The following TXN variants were observed in gnomAD, a reference collection of about 807,000 sequenced individuals.
The protein encoded by TXN is ADF.
TXN carries 10 observed loss-of-function variants against 16.5 expected under a neutral mutation model. That is an observed-to-expected ratio of 0.61 (90% CI 0.37 to 1.03). The LOEUF (loss-of-function observed/expected upper bound fraction) is 1.03. Among genes scored for constraint, TXN ranks in the 50% least tolerant of loss-of-function variants. The probability of loss-of-function intolerance (pLI) is 0.01; values close to 1 mark genes in which losing one functional copy is unlikely to be tolerated. For synonymous variants in TXN, 35 were observed against 39.4 expected, an observed-to-expected ratio of 0.89 and a Z score of 0.42; for missense variants, 71 against 122.5, an observed-to-expected ratio of 0.58 and a Z score of 1.98.
chr9:110,248,881 G>A (rs1482263273), intron 3 of TXN, among the ~76,000 whole-genome samples: 1 of 152,008 alleles, frequency 6.6e-6, no homozygotes, highest in Non-Finnish European at 1.5e-5. Context: ...GGGAGGCCGA[G>A]GTGGGTGGAT....
intron 1 of TXN, among the ~76,000 whole-genome samples, chr9:110,255,860 C>A (rs1174655004): frequency 6.6e-6 from 1 of 152,224 alleles, no homozygotes; most frequent in Non-Finnish European, 1.5e-5. Context: ...AAAGGGAGAT[C>A]ACTACCCCCG....
At chr9:110,255,142 T>C (rs1837788766) in intron 1 of TXN, among the ~76,000 whole-genome samples, 2 of 152,014 alleles carry the variant, frequency 1.3e-5, no homozygotes, top group Non-Finnish European at 2.9e-5. Flanking sequence ...GCAGACACAC[T>C]TCTGTTTCCG....
At chr9:110,245,616 CACTA>C (rs1216314662) in intron 3 of TXN, among the ~76,000 whole-genome samples, 1 of 73,640 alleles carries the variant, frequency 1.4e-5, no homozygotes, top group Non-Finnish European at 2.4e-5. Flanking sequence ...CACACACACA[CACTA>C]TATATATATA....
rs1012576036 is a variant in TXN, at chr9:110,256,334, C to T, written c.24+78G>A. ...CCGCACCTCCCGCCACCGCCTTCCCCACCTCCCGCCACCGCCTTCCCCAGT... is the reference window on the plus strand; with the variant it reads ...CCGCACCTCCCGCCACCGCCTTCCCTACCTCCCGCCACCGCCTTCCCCAGT... On this transcript the variant is annotated intron_variant, in intron 1 of 4. Transcript: ENST00000374517. The surrounding 1 kb of genome is among the most constrained non-coding windows in gnomAD (Gnocchi z 4.2). 7.4e-6 allele frequency: 11 copies of T among 1,486,876 alleles called. No homozygotes were observed. Among genetic ancestry groups the T allele is most frequent in the South Asian group, 2.4e-5 (2 of 83,954 alleles). 92.1% of individuals were successfully genotyped at this position (1,486,876 alleles called of 1,614,324 possible).
In TXN at chr9:110,244,853, A is replaced by G; in HGVS notation, c.190-10T>C. ...ACTCTGAAGCAACATCCTGGTAGGG[A>G]AAGTAGCAAAGGGAGAGGATTAAAT... On this transcript the variant is annotated splice_polypyrimidine_tract_variant and intron_variant, in intron 3 of 4. Transcript: ENST00000374517. 1 of 1,610,656 alleles carries G rather than the reference A, an allele frequency of 6.2e-7. No individual in the cohort carries two copies. Among genetic ancestry groups the G allele is most frequent in the Non-Finnish European group, 8.5e-7 (1 of 1,177,154 alleles).
intron 3 of TXN, 98 bp from the exon 4 acceptor site, chr9:110,244,941 T>C: frequency 1.2e-6 from 1 of 863,576 alleles, no homozygotes; most frequent in Non-Finnish European, 1.9e-6. Flanking sequence ...TTCCCTGTCA[T>C]GTACCCCACA....
In TXN at chr9:110,251,378, T is replaced by C; in HGVS notation, c.109A>G (p.Met37Val). The change falls in exon 2 of 5, where the codon ATG becomes GTG. Residue 37 changes from methionine to valine, a missense_variant. By Grantham distance (21) the Met-to-Val change is conservative. Coordinates refer to ENST00000374517, the MANE Select transcript of TXN (RefSeq NM_003329.4). ...FSATWCGPCK[M>V]IKPFFHSLSE... Reference sequence around the variant, plus strand: ...CTCACATGAAAGAAAGGCTTGATCATTTTGCAAGGCCCACACCACGTGGCT... The same window carrying C: ...CTCACATGAAAGAAAGGCTTGATCACTTTGCAAGGCCCACACCACGTGGCT... 2 of 1,611,468 alleles carry C rather than the reference T, an allele frequency of 1.2e-6. No individual in the cohort carries two copies. Among genetic ancestry groups the C allele is most frequent in the African/African-American group, 1.3e-5 (1 of 74,928 alleles).
At chr9:110,251,209 G>T in intron 2 of TXN, 149 bp downstream of exon 2, 1 of 669,852 alleles carries the variant, frequency 1.5e-6, no homozygotes, top group Non-Finnish European at 2.7e-6. Flanking sequence ...TAAATTATTT[G>T]TTATACTACT....
chr9:110,246,048 G>A (rs952881236), intron 3 of TXN, among the ~76,000 whole-genome samples: 6 of 152,008 alleles, frequency 3.9e-5, no homozygotes, highest in Admixed American at 1.3e-4. Flanking sequence ...CTGGGCGACA[G>A]AATGAGACTA....
intron 1 of TXN, among the ~76,000 whole-genome samples, 194 bp from the exon 2 acceptor site, chr9:110,251,656 T>C (rs1837739743): frequency 7.3e-6 from 1 of 137,568 alleles, no homozygotes; most frequent in Non-Finnish European, 1.6e-5. Context: ...AGAAATTCTA[T>C]ACATTGTTGG....
intron 3 of TXN, among the ~76,000 whole-genome samples, chr9:110,247,455 C>A (rs546782546): frequency 6.6e-6 from 1 of 152,146 alleles, no homozygotes; most frequent in Non-Finnish European, 1.5e-5. Flanking sequence ...ACATTTAGAT[C>A]GACAACAGAT....
At chr9:110,251,207 T>C (rs1837729033) in intron 2 of TXN, 151 bp downstream of exon 2, 1 of 665,498 alleles carries the variant, frequency 1.5e-6, no homozygotes, top group Non-Finnish European at 2.7e-6. Flanking sequence ...CCTAAATTAT[T>C]TGTTATACTA....
At chr9:110,246,555 C>A (rs1472864653) in intron 3 of TXN, among the ~76,000 whole-genome samples, 2 of 152,046 alleles carry the variant, frequency 1.3e-5, no homozygotes, top group African/African-American at 4.8e-5. Context: ...ACCTAAGCAG[C>A]AAAAGCTACA....
At chr9:110,244,333 A>G (rs1837621182) in intron 4 of TXN, 114 bp from the exon 5 acceptor site, 2 of 278,950 alleles carry the variant, frequency 7.2e-6, no homozygotes, top group Non-Finnish European at 1.3e-5. Flanking sequence ...ATATATATAC[A>G]TATGTATAAA....
chr9:110,250,903 C>A (rs371469570), intron 2 of TXN, 24 bp from the exon 3 acceptor site: 13 of 1,585,188 alleles, frequency 8.2e-6, no homozygotes, highest in African/African-American at 1.4e-5. Flanking sequence ...AATGAAAAAT[C>A]CAAAAAGATT....
chr9:110,248,704 G>A (rs1198741627), intron 3 of TXN, among the ~76,000 whole-genome samples: 2 of 152,134 alleles, frequency 1.3e-5, no homozygotes, highest in Non-Finnish European at 2.9e-5. Context: ...CTTCTGTGCT[G>A]CAGTGCCATT....
Position 110,256,278 on chromosome 9 carries a change from C to T in TXN, c.24+134G>A, listed in dbSNP as rs1056797066. 12 of 1,008,508 alleles carry T rather than the reference C, an allele frequency of 1.2e-5. No individual in the cohort carries two copies. The African/African-American group carries it at 2.0e-4, about 16-fold the overall frequency. The allele number at this position is 1,008,508 out of a possible 1,614,324, so 62.5% of individuals were successfully genotyped here. On this transcript the variant is annotated intron_variant, in intron 1 of 4. Transcript: ENST00000374517. The surrounding 1 kb of genome is among the most constrained non-coding windows in gnomAD (Gnocchi z 4.2). ...CAGTCCCAGGCCGAGACGCCGCGTCCCTTTCCCCTGGCGATGCGGAGGGGC... is the reference window on the plus strand; with the variant it reads ...CAGTCCCAGGCCGAGACGCCGCGTCTCTTTCCCCTGGCGATGCGGAGGGGC...
intron 1 of TXN, among the ~76,000 whole-genome samples, chr9:110,252,602 T>C (rs1458322253): frequency 6.6e-6 from 1 of 152,240 alleles, no homozygotes; most frequent in Non-Finnish European, 1.5e-5. Flanking sequence ...ATCTAGATAC[T>C]GTAACCCTGG....
intron 3 of TXN, among the ~76,000 whole-genome samples, chr9:110,250,497 G>A (rs1343706789): frequency 2.0e-5 from 3 of 152,216 alleles, no homozygotes; most frequent in Non-Finnish European, 4.4e-5. Context: ...CAAGCCTATG[G>A]ATGTAATGAT....
Sources: allele counts gnomAD v4.1 joint callset (sites outside exome capture counted in the v4.1 genomes callset), GRCh38; gene constraint gnomAD v4.1.1; non-coding constraint Gnocchi (gnomAD v3.1); transcripts MANE v1.5; gene names NCBI Gene and HGNC (gene_info 2026-07-23, HGNC 2026-07-21).